DSE: variants seen among roughly 807,000 people sequenced by gnomAD.
DSE encodes dermatan sulfate epimerase.
In DSE, 36 loss-of-function variants were observed where a neutral mutation model predicts 84.4. The ratio of observed to expected loss-of-function variants is 0.43; its 90% confidence interval spans 0.33 to 0.56. The LOEUF (loss-of-function observed/expected upper bound fraction) is 0.56, where lower values mean the gene tolerates loss of function less well. Ranked by LOEUF, DSE falls within the 20% of genes least tolerant of loss-of-function variation. DSE has a pLI of 0.06. For synonymous variants in DSE, 410 were observed against 430.1 expected, an observed-to-expected ratio of 0.95 and a Z score of 0.58; for missense variants, 862 against 1,169.6, an observed-to-expected ratio of 0.74 and a Z score of 3.84.
chr6:116,361,559 G>A (rs1778890007), intron 2 of DSE, among the ~76,000 whole-genome samples: 1 of 152,162 alleles, frequency 6.6e-6, no homozygotes, highest in Admixed American at 6.5e-5. Flanking sequence ...AGGAGGCTAA[G>A]GTGAGAGTAT....
chr6:116,409,881 G>A (rs1428361130), intron 2 of DSE, among the ~76,000 whole-genome samples: 4 of 152,224 alleles, frequency 2.6e-5, no homozygotes, highest in South Asian at 2.1e-4. Flanking sequence ...AAAAGGAGCC[G>A]TGCTTGACTG....
intron 2 of DSE, among the ~76,000 whole-genome samples, chr6:116,264,166 G>A (rs1772524056): frequency 6.6e-6 from 1 of 152,110 alleles, no homozygotes; most frequent in South Asian, 2.1e-4. Context: ...AGTTCTCATG[G>A]ATAATATCCT....
chr6:116,338,224 T>TG (rs1562239226), intron 2 of DSE, among the ~76,000 whole-genome samples: 6 of 138,926 alleles, frequency 4.3e-5, no homozygotes, highest in South Asian at 2.3e-4. Flanking sequence ...TCTTTCTTTT[T>TG]TTTTTTTTTT....
At chr6:116,279,784 T>G (rs1157648149) in intron 2 of DSE, 10 of 1,612,834 alleles carry the variant, frequency 6.2e-6, no homozygotes, top group African/African-American at 1.3e-5. Flanking sequence ...AATGATGCTG[T>G]GGGTTTGGAG....
chr6:116,382,280 G>T (rs769464635), intron 1 of DSE, among the ~76,000 whole-genome samples: 1 of 151,964 alleles, frequency 6.6e-6, no homozygotes, highest in Non-Finnish European at 1.5e-5. Flanking sequence ...CAGATATTTC[G>T]AGCCTACCAT....
In DSE at chr6:116,436,700, G is replaced by C. The variant is rs777031543; in HGVS notation, c.2232G>C (p.Gln744His). The change falls in exon 6 of 6, where the codon CAG becomes CAC. Residue 744 changes from glutamine to histidine, a missense_variant. Gln to His is a conservative substitution (Grantham distance 24, BLOSUM62 0). Coordinates refer to ENST00000644252, the MANE Select transcript of DSE (RefSeq NM_013352.4). ...AGGACTATGCTGCTATTGTGGAACA[G>C]AACTTGCAGCATTTTAAACCAGTGT... ...EVKDYAAIVEQNLQHFKPVFQ... is the reference protein window; with the variant it reads ...EVKDYAAIVEHNLQHFKPVFQ... 24 of 1,614,172 alleles carry C rather than the reference G, an allele frequency of 1.5e-5. No homozygotes were observed. The highest frequency in any genetic ancestry group is 2.0e-5 in the Non-Finnish European group (24 of 1,180,026).
rs1257526524 is a variant in DSE at position 116,444,262 on chromosome 6, A to G, written c.*6917A>G. On this transcript the variant is annotated 3_prime_UTR_variant, in exon 6 of 6. Transcript: ENST00000644252. ...ATATCAATTGCAATAACAACTGAAA[A>G]CTGATTGCTATTACTGAACACTGCC... 1 of 152,220 alleles carries G rather than the reference A, an allele frequency of 6.6e-6. No individual in the cohort carries two copies. Among genetic ancestry groups the G allele is most frequent in the Non-Finnish European group, 1.5e-5 (1 of 68,030 alleles). 9.4% of individuals were successfully genotyped at this position (152,220 alleles called of 1,614,324 possible). A position where few individuals can be genotyped will look rare whatever the true frequency, so the allele number is the denominator to read the frequency against.
At chr6:116,309,305 T>C (rs1671766481) in intron 2 of DSE, among the ~76,000 whole-genome samples, 1 of 134,098 alleles carries the variant, frequency 7.5e-6, no homozygotes, top group African/African-American at 2.7e-5. Context: ...CATTATATAT[T>C]TGGAATACAC....
Position 116,399,364 on chromosome 6 carries a change from C to A in DSE, c.114C>A (p.Ala38=), listed in dbSNP as rs36061922. ...NPEVMIPFTN[A]NYDSHPMLYF... is the part of the protein sequence containing the mutation. ...AAGTTATGATTCCCTTCACCAATGC[C>A]AACTACGACAGCCATCCCATGCTGT... is the stretch of plus-strand genomic sequence containing the variant. Residue 38 remains alanine, a synonymous_variant, in exon 2 of 6, where the codon GCC becomes GCA. Coordinates refer to ENST00000644252, the MANE Select transcript of DSE (RefSeq NM_013352.4). 1.9e-6 allele frequency: 3 copies of A among 1,614,106 alleles called. No individual in the cohort carries two copies. The African/African-American group carries it at 4.0e-5, about 22-fold the overall frequency.
At chr6:116,362,341 T>G (rs550814466) in intron 2 of DSE, among the ~76,000 whole-genome samples, 2 of 152,316 alleles carry the variant, frequency 1.3e-5, no homozygotes, top group South Asian at 4.1e-4. Flanking sequence ...GTCTGAAAAT[T>G]TTCAAGATCT....
intron 1 of DSE, among the ~76,000 whole-genome samples, chr6:116,391,834 A>G (rs1046713490): frequency 2.6e-5 from 4 of 151,572 alleles, no homozygotes; most frequent in Non-Finnish European, 4.4e-5. Context: ...CACGGGCTTT[A>G]CACATCAGGG....
intron 1 of DSE, among the ~76,000 whole-genome samples, chr6:116,373,628 T>G (rs1475706813): frequency 6.6e-6 from 1 of 152,196 alleles, no homozygotes; most frequent in Non-Finnish European, 1.5e-5. Context: ...TCAATGAGAT[T>G]TTATGGGCTG....
At chr6:116,311,209 T>A (rs1775674538) in intron 2 of DSE, among the ~76,000 whole-genome samples, 1 of 152,172 alleles carries the variant, frequency 6.6e-6, no homozygotes, top group African/African-American at 2.4e-5. Context: ...CACCTTGTCC[T>A]TCTTTAGTTT....
In DSE at chr6:116,431,058, G is replaced by A. The variant is rs1783801618; in HGVS notation, c.775G>A (p.Val259Ile). 1 of 1,614,044 alleles carries A rather than the reference G, an allele frequency of 6.2e-7. No homozygotes were observed. The highest frequency in any genetic ancestry group is 1.7e-5 in the Admixed American group (1 of 60,002). Residue 259 changes from valine (V) to isoleucine (I), a missense_variant, in exon 4 of 6, where the codon GTT (valine) becomes ATT (isoleucine). Coordinates refer to ENST00000644252, the MANE Select transcript of DSE (RefSeq NM_013352.4). ...GACGGATGGCTCCCTCTATGAAGGA[G>A]TTGCGTATGGCAGCTACACCACTAG... ...EVTDGSLYEG[V>I]AYGSYTTRSL...
chr6:116,268,388 G>C (rs539469153), intron 2 of DSE, among the ~76,000 whole-genome samples: 95 of 152,308 alleles, frequency 6.2e-4, no homozygotes, highest in African/African-American at 2.2e-3. Context: ...ATTTAGGTTT[G>C]TGTAAGTATA....
intron 1 of DSE, among the ~76,000 whole-genome samples, chr6:116,380,208 A>C (rs1780141148): frequency 6.6e-6 from 1 of 152,114 alleles, no homozygotes; most frequent in South Asian, 2.1e-4. Context: ...ACATACTGAA[A>C]GGATTTAGTC....
At chr6:116,278,392 A>C in intron 2 of DSE, 4 of 1,259,730 alleles carry the variant, frequency 3.2e-6, no homozygotes, top group Non-Finnish European at 1.1e-6. Context: ...TCCAAAGGAA[A>C]CAGGGTGCAG....
chr6:116,422,996 T>A (rs1783188794), intron 2 of DSE: 1 of 152,228 alleles, frequency 6.6e-6, no homozygotes, highest in Non-Finnish European at 1.5e-5. Flanking sequence ...GTTAACCTCC[T>A]CTTAACTAAC....
At chr6:116,402,872 A>T (rs371154445) in intron 2 of DSE, among the ~76,000 whole-genome samples, 1 of 152,242 alleles carries the variant, frequency 6.6e-6, no homozygotes, top group African/African-American at 2.4e-5. Flanking sequence ...AGAAGTGCCT[A>T]TGAGATATAC....
Sources: gnomAD v4.1 joint callset for allele counts (sites outside exome capture counted in the v4.1 genomes callset) on GRCh38, gnomAD v4.1.1 for gene constraint, MANE v1.5 for transcripts, NCBI Gene and HGNC (gene_info 2026-07-23, HGNC 2026-07-21) for gene names.